Variants in RASGRP1 observed in about 807,000 individuals in gnomAD.
The protein encoded by RASGRP1 is RAS guanyl releasing protein 1, also known as RAS guanyl-releasing protein 1.
RASGRP1 carries 37 observed loss-of-function variants against 95.1 expected under a neutral mutation model. The observed-to-expected ratio is 0.39, with a 90% CI of 0.30 to 0.51. RASGRP1 has a LOEUF of 0.51. RASGRP1 is among the 20% of genes least tolerant of loss of function. RASGRP1 has a pLI of 0.80. For synonymous variants in RASGRP1, 325 were observed against 353.4 expected (o/e 0.92, Z 0.90); for missense variants, 711 against 965.4 (o/e 0.74, Z 3.49).
intron 1 of RASGRP1, among the ~76,000 whole-genome samples, chr15:38,564,006 T>C (rs1351660115): frequency 6.6e-6 from 1 of 152,210 alleles, no homozygotes; most frequent in Non-Finnish European, 1.5e-5. Context: ...CAACTTCTGT[T>C]ATCCAAGACC....
chr15:38,520,229 G>C (rs1233961157), intron 3 of RASGRP1, among the ~76,000 whole-genome samples: 1 of 152,218 alleles, frequency 6.6e-6, no homozygotes, highest in African/African-American at 2.4e-5. Context: ...TAAAGGCCAT[G>C]CCTTGTTTTC....
At chr15:38,530,138 G>A (rs1004884353) in intron 2 of RASGRP1, among the ~76,000 whole-genome samples, 4 of 152,148 alleles carry the variant, frequency 2.6e-5, no homozygotes, top group African/African-American at 9.7e-5. Context: ...TCTGTGAGTT[G>A]GTTACAATCA....
chr15:38,526,801 A>C (rs1892242356), intron 2 of RASGRP1, among the ~76,000 whole-genome samples: 2 of 152,174 alleles, frequency 1.3e-5, no homozygotes, highest in South Asian at 4.1e-4. Flanking sequence ...AATAGATTGC[A>C]GTTAAAATAT....
chr15:38,522,198 G>A (rs533247724), intron 3 of RASGRP1, among the ~76,000 whole-genome samples: 1 of 152,154 alleles, frequency 6.6e-6, no homozygotes, highest in South Asian at 2.1e-4. Flanking sequence ...ACACAAATAG[G>A]TAAGTTACAG....
intron 11 of RASGRP1, 116 bp from the exon 12 acceptor site, chr15:38,502,537 G>C: frequency 3.1e-6 from 2 of 641,702 alleles, no homozygotes; most frequent in South Asian, 3.9e-5. Context: ...ACCTGAACGA[G>C]AGGAACAGGG....
intron 3 of RASGRP1, among the ~76,000 whole-genome samples, chr15:38,525,389 T>C (rs897418230): frequency 1.3e-5 from 2 of 152,128 alleles, no homozygotes; most frequent in Non-Finnish European, 2.9e-5. Flanking sequence ...CTGAGTTGGT[T>C]TCATGATGGT....
chr15:38,526,934 T>C (rs1454682763), intron 2 of RASGRP1, among the ~76,000 whole-genome samples: 1 of 152,212 alleles, frequency 6.6e-6, no homozygotes, highest in Non-Finnish European at 1.5e-5. Flanking sequence ...TCCAGTTTTA[T>C]GGTTAATATG....
chr15:38,536,240 A>G (rs1892640432), intron 2 of RASGRP1, among the ~76,000 whole-genome samples: 1 of 152,170 alleles, frequency 6.6e-6, no homozygotes, highest in Non-Finnish European at 1.5e-5. Context: ...CCCATGCAGC[A>G]CTATAGACAT....
At chr15:38,508,750 G>A (rs951071616) in intron 8 of RASGRP1, among the ~76,000 whole-genome samples, 40 of 152,224 alleles carry the variant, frequency 2.6e-4, no homozygotes. Flanking sequence ...GGAGCAGCCA[G>A]ATCTAGTTTT....
At chr15:38,495,789 G>T (rs1197249059) in intron 15 of RASGRP1, among the ~76,000 whole-genome samples, 2 of 149,780 alleles carry the variant, frequency 1.3e-5, no homozygotes, top group East Asian at 1.9e-4. Flanking sequence ...TTTTTTTTTT[G>T]GAGGAGTATT....
chr15:38,494,360 A>T, intron 16 of RASGRP1, 22 bp downstream of exon 16: 1 of 1,612,524 alleles, frequency 6.2e-7, no homozygotes, highest in South Asian at 1.1e-5. Flanking sequence ...TCTGAAAAAA[A>T]GGAAAATGAA....
intron 14 of RASGRP1, 75 bp downstream of exon 14, chr15:38,500,028 G>A: frequency 6.9e-7 from 1 of 1,457,008 alleles, no homozygotes. Context: ...AAATTACCCA[G>A]TCTCAGGCAG....
At chr15:38,560,120 G>C (rs774099590) in intron 1 of RASGRP1, 115 bp from the exon 2 acceptor site, 2 of 974,402 alleles carry the variant, frequency 2.1e-6, no homozygotes, top group South Asian at 2.9e-5. Context: ...TGGGCTGATA[G>C]AAGCCATACC....
At chr15:38,549,793 A>G (rs1893254925) in intron 2 of RASGRP1, among the ~76,000 whole-genome samples, 1 of 151,834 alleles carries the variant, frequency 6.6e-6, no homozygotes, top group Non-Finnish European at 1.5e-5. Context: ...AACCTCAGCA[A>G]TCTCTCCAGG....
chr15:38,544,391 G>T (rs2141173106), intron 2 of RASGRP1, among the ~76,000 whole-genome samples: 1 of 152,314 alleles, frequency 6.6e-6, no homozygotes, highest in African/African-American at 2.4e-5. Flanking sequence ...TTCTCTCTGT[G>T]CTGTGGTTTG....
intron 3 of RASGRP1, among the ~76,000 whole-genome samples, chr15:38,521,547 C>G (rs139784122): frequency 2.0e-5 from 3 of 152,174 alleles, no homozygotes; most frequent in Non-Finnish European, 4.4e-5. Flanking sequence ...GGCTGCCCCC[C>G]ACAGGGAGCA....
chr15:38,518,296 G>C lies in RASGRP1; in HGVS notation c.517C>G (p.Gln173Glu). ...ELHCRLIDTT[Q>E]INARDWSRKL... ...AGTCAAGACCTTGACACTCACATTT[G>C]AGTTGTGTCAATCAGGCGGCAATGT... Residue 173 changes from glutamine to glutamate, a missense_variant, in exon 5 of 17, where the codon CAA (glutamine) becomes GAA (glutamate). By Grantham distance (29) the Gln-to-Glu change is conservative. Around this residue, in one of 3 missense-constraint regions of RASGRP1, gnomAD observed 491 missense variants for 676.6 expected, o/e 0.73. Transcript: ENST00000310803. 6.2e-7 allele frequency: 1 copy of C among 1,609,588 alleles called. No homozygotes were observed. Among genetic ancestry groups the C allele is most frequent in the Non-Finnish European group, 8.5e-7 (1 of 1,177,940 alleles).
intron 2 of RASGRP1, among the ~76,000 whole-genome samples, chr15:38,557,148 T>TA (rs1893590893): frequency 6.6e-6 from 1 of 152,156 alleles, no homozygotes; most frequent in African/African-American, 2.4e-5. Flanking sequence ...GATGACCTCT[T>TA]AAAGAGACCT....
At chr15:38,503,027 C>T in intron 11 of RASGRP1, 1 of 538,086 alleles carries the variant, frequency 1.9e-6, no homozygotes, top group Non-Finnish European at 3.3e-6. Flanking sequence ...AATCAACTGA[C>T]AACCTTTAAG....
Sources: allele counts gnomAD v4.1 joint callset (sites outside exome capture counted in the v4.1 genomes callset), GRCh38; gene constraint gnomAD v4.1.1; regional missense constraint gnomAD v4.1.1; transcripts MANE v1.5; gene names NCBI Gene and HGNC (gene_info 2026-07-23, HGNC 2026-07-21).